Variants in USP48 observed in about 807,000 individuals in gnomAD.
USP48 encodes the protein ubiquitin specific peptidase 48.
USP48 carries 43 observed loss-of-function variants against 150.7 expected under a neutral mutation model. The ratio of observed to expected loss-of-function variants is 0.29; its 90% CI spans 0.22 to 0.37. USP48 has a LOEUF of 0.37. Ranked by LOEUF, USP48 falls within the 10% of genes least tolerant of loss-of-function variation. The probability of loss-of-function intolerance (pLI) is 1.00; values close to 1 mark genes in which losing one functional copy is unlikely to be tolerated. For synonymous variants in USP48, 396 were observed against 425.9 expected (o/e 0.93, Z 0.86); for missense variants, 813 against 1,249.6 (o/e 0.65, Z 5.27).
chr1:21,771,557 A>C (rs2097880675), intron 1 of USP48, among the ~76,000 whole-genome samples: 1 of 151,874 alleles, frequency 6.6e-6, no homozygotes, highest in Admixed American at 6.6e-5. Flanking sequence ...TTTTTCAAAT[A>C]CTATAAAATA....
chr1:21,715,354 C>T lies in USP48; in HGVS notation c.1963+35G>A, dbSNP rs183584850. On this transcript the variant is annotated intron_variant, in intron 15 of 26. Transcript: ENST00000308271. ...TAGAAGCTAAAAGTAAAAAAAAGGA[C>T]AATAAAACAGAATTCATTTATGCTT... 190 of 1,520,884 alleles carry T rather than the reference C, an allele frequency of 1.2e-4. No individual in the cohort carries two copies. The African/African-American group carries it at 2.3e-3, about 18-fold the overall frequency. The allele number at this position is 1,520,884 out of a possible 1,614,324, so 94.2% of individuals were successfully genotyped here.
At chr1:21,697,018 G>A (rs1005394792) in intron 22 of USP48, among the ~76,000 whole-genome samples, 2 of 152,068 alleles carry the variant, frequency 1.3e-5, no homozygotes, top group Non-Finnish European at 2.9e-5. Flanking sequence ...ATCTGGATGA[G>A]GTAACCTCAA....
At chr1:21,709,062 A>T (rs2152525406) in intron 15 of USP48, among the ~76,000 whole-genome samples, 1 of 151,974 alleles carries the variant, frequency 6.6e-6, no homozygotes, top group Middle Eastern at 3.4e-3. Flanking sequence ...GGCATGAGCC[A>T]CCATGCCCGC....
At chr1:21,696,789 T>A (rs2097633713) in intron 22 of USP48, among the ~76,000 whole-genome samples, 1 of 151,446 alleles carries the variant, frequency 6.6e-6, no homozygotes, top group Non-Finnish European at 1.5e-5. Flanking sequence ...CCAAATGTCC[T>A]CTACAGTACT....
At chr1:21,699,003 G>C (rs2097646283) in intron 22 of USP48, among the ~76,000 whole-genome samples, 1 of 152,074 alleles carries the variant, frequency 6.6e-6, no homozygotes, top group South Asian at 2.1e-4. Context: ...ATGGAGTCCT[G>C]AATCGGGATG....
At chr1:21,778,420 C>CT (rs2097905603) in intron 1 of USP48, among the ~76,000 whole-genome samples, 1 of 151,832 alleles carries the variant, frequency 6.6e-6, no homozygotes, top group South Asian at 2.1e-4. Context: ...TCATATACTG[C>CT]TTGTGAATAT....
intron 12 of USP48, among the ~76,000 whole-genome samples, chr1:21,722,219 G>A (rs894890544): frequency 1.4e-4 from 21 of 151,872 alleles, no homozygotes; most frequent in Admixed American, 9.8e-4. Context: ...AAATGTGAAC[G>A]CTCTTCCTAT....
intron 1 of USP48, among the ~76,000 whole-genome samples, chr1:21,760,507 AG>A (rs2152615358): frequency 6.7e-6 from 1 of 149,694 alleles, no homozygotes; most frequent in South Asian, 2.1e-4. Context: ...CAAAGTCAGG[AG>A]TTCGAGACCA....
At chr1:21,702,292 A>G (rs2097659356) in intron 21 of USP48, among the ~76,000 whole-genome samples, 1 of 152,180 alleles carries the variant, frequency 6.6e-6, no homozygotes, top group Non-Finnish European at 1.5e-5. Context: ...AACAAGCATC[A>G]AATAAAATGT....
At chr1:21,701,365 CAAAAAAA>C (rs35780642) in intron 22 of USP48, 126 bp downstream of exon 22, 7 of 409,870 alleles carry the variant, frequency 1.7e-5, no homozygotes, top group African/African-American at 6.5e-5. Flanking sequence ...GACTCCATCT[CAAAAAAA>C]AAAAAAAAAG....
In USP48 at chr1:21,680,799, G is replaced by C. The variant is rs762446082; in HGVS notation, c.3085+9C>G. ...CATTCATGAACAAAACATGACAAAT[G>C]TAACTTACCTTTAAACCCTTCTTCT... is the stretch of plus-strand genomic sequence containing the variant. On this transcript the variant is annotated intron_variant, in intron 26 of 26. Transcript: ENST00000308271. 1.8e-4 allele frequency: 280 copies of C among 1,585,590 alleles called. No individual in the cohort carries two copies. Among genetic ancestry groups the C allele is most frequent in the Non-Finnish European group, 2.3e-4 (270 of 1,171,338 alleles).
intron 1 of USP48, 63 bp downstream of exon 1, chr1:21,782,761 C>G: frequency 6.8e-7 from 1 of 1,475,694 alleles, no homozygotes; most frequent in Non-Finnish European, 9.0e-7. Flanking sequence ...CTTTCCCCTA[C>G]CCCGCCCGGG....
chr1:21,755,884 G>A (rs2097831956), intron 3 of USP48, among the ~76,000 whole-genome samples: 1 of 152,060 alleles, frequency 6.6e-6, no homozygotes, highest in Non-Finnish European at 1.5e-5. Context: ...AATAAGTTTA[G>A]GCCAGGCACA....
At position 21,755,250 on chromosome 1, in the gene USP48, A is replaced by T. The variant is rs1305713878; in HGVS notation, c.412+1296T>A. Among the ~76,000 whole-genome samples the T allele has an allele frequency of 3.3e-5, 5 of 151,992 alleles. 1 individual carries two copies. The East Asian group carries it at 9.7e-4, about 30-fold the overall frequency. On this transcript the variant is annotated intron_variant, in intron 3 of 26. Transcript: ENST00000308271. Reference sequence around the variant, plus strand: ...AAAATATTACTCCTTGGCCTGCAAAAGCATTGCAGGCCAGTAAAAGCTATT... The same window carrying T: ...AAAATATTACTCCTTGGCCTGCAAATGCATTGCAGGCCAGTAAAAGCTATT...
At chr1:21,686,005 T>C (rs976030582) in intron 25 of USP48, 1 of 152,212 alleles carries the variant, frequency 6.6e-6, no homozygotes, top group South Asian at 2.1e-4. Flanking sequence ...TAGTCCCAGC[T>C]ACTCAGGAGT....
chr1:21,747,053 A>T lies in USP48; in HGVS notation c.991+14T>A. 9 of 1,583,590 alleles carry T rather than the reference A, an allele frequency of 5.7e-6. No individual in the cohort carries two copies. The highest frequency in any genetic ancestry group is 6.9e-6 in the Non-Finnish European group (8 of 1,159,406). On this transcript the variant is annotated intron_variant, in intron 8 of 26. Coordinates refer to ENST00000308271, the MANE Select transcript of USP48 (RefSeq NM_032236.8). ...CTGAGCATTATAATGTTTACTCCTC[A>T]GTAAAAATATTACCTTTATGTTCCA... is the stretch of plus-strand genomic sequence containing the variant.
intron 1 of USP48, among the ~76,000 whole-genome samples, chr1:21,766,978 C>T (rs183358819): frequency 4.9e-4 from 74 of 152,214 alleles, no homozygotes; most frequent in Admixed American, 2.7e-3. Context: ...GCAGGAGAAT[C>T]GCCTGCACCC....
chr1:21,773,206 G>A (rs1399079070), intron 1 of USP48, among the ~76,000 whole-genome samples: 2 of 135,200 alleles, frequency 1.5e-5, no homozygotes, highest in Non-Finnish European at 3.0e-5. Flanking sequence ...AGCAAGCTGA[G>A]ATCACACCAC....
At chr1:21,735,383 T>TA (rs35566343) in intron 9 of USP48, among the ~76,000 whole-genome samples, 111,817 of 152,090 alleles carry the variant, frequency 0.74, 41,616 homozygotes, top group Admixed American at 0.81. Flanking sequence ...GGAGGACTGT[T>TA]AAACTCAGGA....
Sources: gnomAD v4.1 joint callset for allele counts (sites outside exome capture counted in the v4.1 genomes callset) on GRCh38, gnomAD v4.1.1 for gene constraint, MANE v1.5 for transcripts, NCBI Gene and HGNC (gene_info 2026-07-23, HGNC 2026-07-21) for gene names.